Variants in DGKI observed in about 807,000 individuals in gnomAD.
The protein encoded by DGKI is DAG kinase iota.
In DGKI, 55 loss-of-function variants were observed where a neutral mutation model predicts 147.5. The observed-to-expected ratio is 0.37, with a 90% CI of 0.30 to 0.47. The LOEUF is 0.47. Ranked by LOEUF, DGKI falls within the 20% of genes least tolerant of loss-of-function variation. The probability of loss-of-function intolerance (pLI) is 1.00; values close to 1 mark genes in which losing one functional copy is unlikely to be tolerated. For synonymous variants in DGKI, 469 were observed against 477.1 expected, an observed-to-expected ratio of 0.98 and a Z score of 0.22; for missense variants, 1,007 against 1,323.8, an observed-to-expected ratio of 0.76 and a Z score of 3.71.
intron 6 of DGKI, among the ~76,000 whole-genome samples, chr7:137,642,193 T>C (rs1315418267): frequency 6.6e-6 from 1 of 152,238 alleles, no homozygotes; most frequent in African/African-American, 2.4e-5. Flanking sequence ...AGTTGGCTTT[T>C]ATGGATTGCA....
At chr7:137,603,857 G>GT (rs774022473) in intron 10 of DGKI, among the ~76,000 whole-genome samples, 1 of 152,222 alleles carries the variant, frequency 6.6e-6, no homozygotes, top group Non-Finnish European at 1.5e-5. Flanking sequence ...GAGACAGGGA[G>GT]TTGCGAGAGA....
chr7:137,682,580 T>C (rs1012599997), intron 2 of DGKI, among the ~76,000 whole-genome samples: 18 of 152,248 alleles, frequency 1.2e-4, no homozygotes, highest in African/African-American at 4.3e-4. Context: ...AATCCACAGA[T>C]GTTAGCATTA....
chr7:137,536,365 A>G lies in DGKI; in HGVS notation c.2148-14399T>C, dbSNP rs544490649. On this transcript the variant is annotated intron_variant, in intron 20 of 32. Coordinates refer to ENST00000614521, the MANE Select transcript of DGKI (RefSeq NM_001321708.2). Reference sequence around the variant, plus strand: ...ATCACAGAGCAAGGTGCTTAGGTACATATTATGTCTCTGACTAAATGTAAA... The same window carrying G: ...ATCACAGAGCAAGGTGCTTAGGTACGTATTATGTCTCTGACTAAATGTAAA... Among the ~76,000 whole-genome samples the G allele has an allele frequency of 3.6e-3, 549 of 152,242 alleles. 1 individual carries two copies. The highest frequency in any genetic ancestry group is 0.013 in the South Asian group (64 of 4,822).
intron 21 of DGKI, among the ~76,000 whole-genome samples, chr7:137,517,536 C>T (rs115826777): frequency 0.01 from 1,581 of 152,086 alleles, 24 homozygotes; most frequent in African/African-American, 0.036. Context: ...GATAGAAATT[C>T]CAAAGGTTTA....
intron 1 of DGKI, among the ~76,000 whole-genome samples, chr7:137,758,052 T>G (rs1368915417): frequency 6.6e-6 from 1 of 152,224 alleles, no homozygotes; most frequent in African/African-American, 2.4e-5. Flanking sequence ...GGTTTAAGTT[T>G]CCTTTGTGCA....
At chr7:137,834,972 C>G (rs1001488982) in intron 1 of DGKI, among the ~76,000 whole-genome samples, 6 of 152,194 alleles carry the variant, frequency 3.9e-5, no homozygotes, top group Admixed American at 6.5e-5. Context: ...CCTCTGCACT[C>G]AGATCCTTCT....
intron 4 of DGKI, among the ~76,000 whole-genome samples, 173 bp downstream of exon 4, chr7:137,656,293 G>A (rs369577586): frequency 6.6e-6 from 1 of 152,148 alleles, no homozygotes; most frequent in East Asian, 1.9e-4. Context: ...AAACAAGAGA[G>A]TGAACGACCC....
At chr7:137,752,298 A>G (rs1241748857) in intron 1 of DGKI, among the ~76,000 whole-genome samples, 3 of 152,180 alleles carry the variant, frequency 2.0e-5, no homozygotes, top group African/African-American at 7.2e-5. Flanking sequence ...CAATCCCTAA[A>G]AAGGTATCGA....
rs565992586 is a variant in DGKI, at chr7:137,455,193, G to A, written c.2735+8296C>T. On this transcript the variant is annotated intron_variant, in intron 27 of 32. Transcript: ENST00000614521. ...CTGTAACATACCCCAGCAGCTTTCT[G>A]ACAACATCTCCTCCCACCCCACCCT... Among the ~76,000 whole-genome samples, 6 of 152,196 alleles carry A rather than the reference G, an allele frequency of 3.9e-5. No individual in the cohort carries two copies. The South Asian group carries it at 1.2e-3, about 32-fold the overall frequency.
intron 28 of DGKI, among the ~76,000 whole-genome samples, chr7:137,423,804 T>TA (rs1293756973): frequency 2.0e-5 from 3 of 152,204 alleles, no homozygotes; most frequent in Admixed American, 1.3e-4. Context: ...AATTAAAAAA[T>TA]AAATAAAATG....
At chr7:137,467,911 G>C (rs1814721587) in intron 24 of DGKI, among the ~76,000 whole-genome samples, 1 of 151,044 alleles carries the variant, frequency 6.6e-6, no homozygotes, top group Admixed American at 6.6e-5. Flanking sequence ...CTGAGCCCAG[G>C]AGTTCAAGGC....
At chr7:137,723,478 G>T (rs1446983242) in intron 1 of DGKI, among the ~76,000 whole-genome samples, 1 of 152,118 alleles carries the variant, frequency 6.6e-6, no homozygotes, top group Non-Finnish European at 1.5e-5. Flanking sequence ...TATTTATGGA[G>T]CTAATAGTTA....
chr7:137,725,356 G>C (rs1794689007), intron 1 of DGKI, among the ~76,000 whole-genome samples: 1 of 152,076 alleles, frequency 6.6e-6, no homozygotes, highest in African/African-American at 2.4e-5. Context: ...CCTTGACAAA[G>C]GGTCAAAATA....
chr7:137,429,185 G>T (rs2128910282), intron 28 of DGKI, among the ~76,000 whole-genome samples: 1 of 152,122 alleles, frequency 6.6e-6, no homozygotes, highest in South Asian at 2.1e-4. Flanking sequence ...AAACAGCATG[G>T]TACTGGTACC....
chr7:137,481,978 T>A (rs1815387577), intron 23 of DGKI, among the ~76,000 whole-genome samples: 1 of 151,870 alleles, frequency 6.6e-6, no homozygotes, highest in South Asian at 2.1e-4. Flanking sequence ...ATTTCGTCGT[T>A]CATGTTTCTT....
intron 1 of DGKI, among the ~76,000 whole-genome samples, chr7:137,751,118 C>T (rs548476465): frequency 9.8e-5 from 15 of 152,304 alleles, no homozygotes; most frequent in African/African-American, 3.6e-4. Context: ...TAACTTTGGG[C>T]TTCATGTCAA....
intron 6 of DGKI, among the ~76,000 whole-genome samples, chr7:137,626,125 C>T (rs1453523847): frequency 6.6e-6 from 1 of 152,122 alleles, no homozygotes; most frequent in African/African-American, 2.4e-5. Context: ...GTTGATTTTA[C>T]TTTGCATCCT....
intron 21 of DGKI, among the ~76,000 whole-genome samples, chr7:137,489,702 G>A (rs1242125357): frequency 6.6e-6 from 1 of 152,054 alleles, no homozygotes; most frequent in Non-Finnish European, 1.5e-5. Context: ...ATTAACATAA[G>A]CATCCACATT....
At chr7:137,607,702 G>A (rs1480970088) in intron 10 of DGKI, among the ~76,000 whole-genome samples, 1 of 152,094 alleles carries the variant, frequency 6.6e-6, no homozygotes, top group Non-Finnish European at 1.5e-5. Flanking sequence ...ACCTTTGATA[G>A]AACATAGGGA....
Sources: allele counts gnomAD v4.1 joint callset (sites outside exome capture counted in the v4.1 genomes callset), GRCh38; gene constraint gnomAD v4.1.1; transcripts MANE v1.5; gene names NCBI Gene and HGNC (gene_info 2026-07-23, HGNC 2026-07-21).